The following DST variants were observed in gnomAD, a reference collection of about 807,000 sequenced individuals.
DST encodes the protein dystonin.
In DST, 253 loss-of-function variants were observed where a neutral mutation model predicts 875.2. The observed-to-expected ratio is 0.29, with a 90% CI of 0.26 to 0.32. The LOEUF (loss-of-function observed/expected upper bound fraction) is 0.32. DST is among the 10% of genes least tolerant of loss of function. The pLI, the probability that DST is intolerant of heterozygous loss-of-function variation, is 1.00. For missense variants in DST, 8,287 were observed against 9,111.6 expected, an observed-to-expected ratio of 0.91 and a Z score of 3.68; for synonymous variants, 3,124 against 3,197.1, an observed-to-expected ratio of 0.98 and a Z score of 0.77.
Position 56,476,030 on chromosome 6 carries a change from G to C in DST, c.21864+119C>G. The C allele has an allele frequency of 9.1e-6, 8 of 875,046 alleles. No individual in the cohort carries two copies. In the South Asian group the frequency reaches 1.6e-4, roughly 18 times the overall value. 54.2% of individuals were successfully genotyped at this position (875,046 alleles called of 1,614,324 possible). A position where few individuals can be genotyped will look rare whatever the true frequency, so the allele number is the denominator to read the frequency against. On this transcript the variant is annotated intron_variant, in intron 92 of 103. Transcript: ENST00000680361. ...GTTGGAAACACAGTTGTAAGGAGCT[G>C]AGGAGTCTGAAGAAGTGAAAATAAC...
intron 2 of DST, among the ~76,000 whole-genome samples, chr6:56,907,657 A>G (rs564259648): frequency 7.2e-5 from 11 of 152,366 alleles, no homozygotes; most frequent in Non-Finnish European, 1.5e-4. Context: ...AATCTTCTAC[A>G]TGTATCCACA....
Position 56,640,516 on chromosome 6 carries a change from G to C in DST, c.2117C>G (p.Thr706Arg), listed in dbSNP as rs2098883934. ...AGTGATTCCTGATATCATGAGCTTT[G>C]TCTGTTCTGTTGTCAGTATGCGTCC... The part of the protein sequence containing the change: ...SKGRILTTEQ[T>R]KLMISGITQS... Residue 706 changes from threonine to arginine, a missense_variant, in exon 18 of 104, where the codon ACA becomes AGA. Around this residue, in one of 10 missense-constraint regions of DST, gnomAD observed 1,160 missense variants for 1,424.3 expected, o/e 0.81. Transcript: ENST00000680361. 1 of 1,614,040 alleles carries C rather than the reference G, an allele frequency of 6.2e-7. No individual in the cohort carries two copies.
At chr6:56,891,796 C>T (rs1450611562) in intron 3 of DST, among the ~76,000 whole-genome samples, 1 of 152,120 alleles carries the variant, frequency 6.6e-6, no homozygotes, top group African/African-American at 2.4e-5. Context: ...TGCACTCCAG[C>T]CTGGGCAAGA....
At chr6:56,877,388 T>A (rs553128781) in intron 3 of DST, among the ~76,000 whole-genome samples, 1 of 152,240 alleles carries the variant, frequency 6.6e-6, no homozygotes, top group Non-Finnish European at 1.5e-5. Flanking sequence ...ACCCTGTCTC[T>A]ACTAAAAAAT....
At chr6:56,717,043 C>T (rs776859860) in intron 5 of DST, among the ~76,000 whole-genome samples, 5 of 151,962 alleles carry the variant, frequency 3.3e-5, no homozygotes, top group African/African-American at 7.2e-5. Context: ...ATTAGCTGGG[C>T]GTGGTAGCAG....
At chr6:56,800,000 A>G (rs34171958) in intron 4 of DST, among the ~76,000 whole-genome samples, 25,304 of 152,168 alleles carry the variant, frequency 0.17, 2,346 homozygotes, top group Non-Finnish European at 0.19. Flanking sequence ...ATAGACTACA[A>G]TATAATACAA....
chr6:56,923,531 A>G (rs1339975743), intron 2 of DST, among the ~76,000 whole-genome samples: 1 of 152,046 alleles, frequency 6.6e-6, no homozygotes, highest in Non-Finnish European at 1.5e-5. Context: ...CAGAGAAACA[A>G]AACAGATAAG....
At chr6:56,801,983 CA>C (rs950089942) in intron 4 of DST, among the ~76,000 whole-genome samples, 2 of 152,080 alleles carry the variant, frequency 1.3e-5, no homozygotes, top group African/African-American at 4.8e-5. Context: ...TGCCTGACCT[CA>C]GGTGATTGGC....
At chr6:56,464,013 C>A (rs1354344078) in intron 100 of DST, 1 of 575,754 alleles carries the variant, frequency 1.7e-6, no homozygotes, top group Non-Finnish European at 3.2e-6. Context: ...ACACTAGACA[C>A]CAGCAAGAAT....
At chr6:56,952,753 T>G (rs1467679142) in intron 2 of DST, among the ~76,000 whole-genome samples, 1 of 151,954 alleles carries the variant, frequency 6.6e-6, no homozygotes, top group African/African-American at 2.4e-5. Context: ...GGCACCGAGA[T>G]GTATCACACA....
chr6:56,633,111 C>A, intron 27 of DST, 74 bp from the exon 28 acceptor site: 4 of 1,206,796 alleles, frequency 3.3e-6, no homozygotes, highest in South Asian at 2.4e-5. Context: ...TCAAACTGGT[C>A]GTGTGGTATA....
At position 56,707,933 on chromosome 6, in the gene DST, G is replaced by T. The variant is rs762953639; in HGVS notation, c.688-3564C>A. On this transcript the variant is annotated intron_variant, in intron 5 of 103. Coordinates refer to ENST00000680361, the MANE Select transcript of DST (RefSeq NM_001374736.1). ...GCCTGTAATCCTAGCACTTTGGGAG[G>T]CCGAGGTGGGTGGATCATGAGGTCA... 5.3e-5 allele frequency among the ~76,000 whole-genome samples: 8 copies of T among 152,308 alleles called. No homozygotes were observed. The East Asian group carries it at 1.5e-3, about 29-fold the overall frequency.
chr6:56,504,484 A>T (rs1442633258), intron 77 of DST, among the ~76,000 whole-genome samples: 2 of 152,190 alleles, frequency 1.3e-5, no homozygotes, highest in Admixed American at 6.6e-5. Flanking sequence ...TCATTCAAAT[A>T]AGCAAGAAAT....
chr6:56,463,052 A>G lies in DST; in HGVS notation c.23064T>C (p.Ser7688=), dbSNP rs749635367. ...AAECSDFPVP[S]AEGTPIQGSK... is the part of the protein sequence containing the mutation. ...CTCTGGGGCCTTACAATACCTCTGC[A>G]GATGGCACGGGAAAGTCTGAGCACT... The change falls in exon 102 of 104, where the codon TCT becomes TCC. Residue 7688 remains serine, a synonymous_variant. Transcript: ENST00000680361. 1 of 1,605,582 alleles carries G rather than the reference A, an allele frequency of 6.2e-7. No homozygotes were observed. Among genetic ancestry groups the G allele is most frequent in the Admixed American group, 1.7e-5 (1 of 59,666 alleles).
intron 44 of DST, 65 bp from the exon 45 acceptor site, chr6:56,600,286 C>CGA: frequency 1.4e-6 from 2 of 1,477,870 alleles, no homozygotes; most frequent in Non-Finnish European, 1.9e-6. Context: ...ATTGTGATAG[C>CGA]TTCTTATTAG....
chr6:56,720,463 A>AT (rs1309543171), intron 5 of DST, among the ~76,000 whole-genome samples: 1 of 151,734 alleles, frequency 6.6e-6, no homozygotes, highest in Non-Finnish European at 1.5e-5. Context: ...AAACATGTGA[A>AT]CAAAGGTCTC....
At chr6:56,778,208 G>C (rs1267342435) in intron 4 of DST, among the ~76,000 whole-genome samples, 1 of 151,918 alleles carries the variant, frequency 6.6e-6, no homozygotes, top group Non-Finnish European at 1.5e-5. Flanking sequence ...ATTCATCTCT[G>C]TCTCCCTAAG....
intron 3 of DST, among the ~76,000 whole-genome samples, chr6:56,866,096 C>G (rs1000998167): frequency 6.6e-6 from 1 of 152,022 alleles, no homozygotes; most frequent in African/African-American, 2.4e-5. Context: ...TGGGTTCAAG[C>G]AATTCTCCTG....
At chr6:56,767,276 G>A (rs1049745871) in intron 4 of DST, among the ~76,000 whole-genome samples, 1 of 152,102 alleles carries the variant, frequency 6.6e-6, no homozygotes, top group Non-Finnish European at 1.5e-5. Flanking sequence ...CCCTGACAAT[G>A]TGGAATTAAA....
Sources: gnomAD v4.1 joint callset for allele counts (sites outside exome capture counted in the v4.1 genomes callset) on GRCh38, gnomAD v4.1.1 for gene constraint, gnomAD v4.1.1 regional missense constraint, MANE v1.5 for transcripts, NCBI Gene and HGNC (gene_info 2026-07-23, HGNC 2026-07-21) for gene names.